NRDE2: variants seen among roughly 807,000 people sequenced by gnomAD.
NRDE2 encodes NRDE-2, necessary for RNA interference, domain containing, also known as nuclear exosome regulator NRDE2.
Under a neutral mutation model 124.2 loss-of-function variants are expected in NRDE2, and 76 were observed. That is an observed-to-expected ratio of 0.61 (90% confidence interval 0.51 to 0.74). The LOEUF (loss-of-function observed/expected upper bound fraction) is 0.74. NRDE2 is among the 30% of genes least tolerant of loss of function. The probability of loss-of-function intolerance (pLI) is 0.00; values close to 1 mark genes in which losing one functional copy is unlikely to be tolerated. For missense variants in NRDE2, 1,314 were observed against 1,417.3 expected, an observed-to-expected ratio of 0.93 and a Z score of 1.17; for synonymous variants, 489 against 528.1, an observed-to-expected ratio of 0.93 and a Z score of 1.01.
chr14:90,304,287 T>C lies in NRDE2; in HGVS notation c.653A>G (p.Lys218Arg), dbSNP rs956067632. ...CTTAGTAAAATAGCGTTCAACCTGC[T>C]TGCGTGAATGCTTCTTCTCTGTGGA... ...GTSTEKKHSR[K>R]QVERYFTKKS... is the part of the protein sequence containing the mutation. Residue 218 changes from lysine (K) to arginine (R), a missense_variant, in exon 5 of 14, where the codon AAG (lysine) becomes AGG (arginine). By Grantham distance (26) the Lys-to-Arg change is conservative (BLOSUM62 2). Coordinates refer to ENST00000354366, the MANE Select transcript of NRDE2 (RefSeq NM_017970.4). 6 of 1,614,144 alleles carry C rather than the reference T, an allele frequency of 3.7e-6. No homozygotes were observed. Among genetic ancestry groups the C allele is most frequent in the Non-Finnish European group, 5.1e-6 (6 of 1,180,000 alleles).
chr14:90,274,060 A>AG lies in NRDE2; in HGVS notation c.*4275dup, dbSNP rs1891736080. On this transcript the variant is annotated 3_prime_UTR_variant, in exon 14 of 14. Transcript: ENST00000354366. ...CAGGGCTTAGGGTGTGGCCATCTTT[A>AG]GGGGCGCCACTCTGCCTACCACAGA... 1.3e-5 allele frequency: 2 copies of AG among 154,780 alleles called. No individual in the cohort carries two copies. Among genetic ancestry groups the AG allele is most frequent in the Admixed American group, 1.3e-4 (2 of 15,290 alleles). 9.6% of individuals were successfully genotyped at this position (154,780 alleles called of 1,614,324 possible).
In NRDE2 at chr14:90,268,212, C is replaced by A; in HGVS notation, c.*10124G>T. 1 of 1,460,990 alleles carries A rather than the reference C, an allele frequency of 6.8e-7. No individual in the cohort carries two copies. The highest frequency in any genetic ancestry group is 2.5e-5 in the Admixed American group (1 of 40,368). The allele number at this position is 1,460,990 out of a possible 1,614,324, so 90.5% of individuals were successfully genotyped here. On this transcript the variant is annotated 3_prime_UTR_variant, in exon 14 of 14. Transcript: ENST00000354366. ...GTGTCTTTTTTTTTTTTATCTTTTT[C>A]ATCCAAAATAGGTAAAACCTTGTTA...
chr14:90,283,137 C>T (rs1371058601), intron 12 of NRDE2, among the ~76,000 whole-genome samples: 1 of 152,194 alleles, frequency 6.6e-6, no homozygotes, highest in African/African-American at 2.4e-5. Flanking sequence ...ACCTTGCATG[C>T]TGGCCCTAAT....
Position 90,298,283 on chromosome 14 carries a change from C to T in NRDE2, c.1643G>A (p.Gly548Asp), listed in dbSNP as rs1884255320. 4 of 1,613,648 alleles carry T rather than the reference C, an allele frequency of 2.5e-6. No individual in the cohort carries two copies. In the East Asian group the frequency reaches 6.7e-5, roughly 27 times the overall value. ...WKAWMHQQER[G>D]GWVVINPDED... ...ACCTGGGTTGATGACCACCCAGCCA[C>T]CTCGTTCCTGCTGGTGCATCCACGC... The change falls in exon 8 of 14, where the codon GGT becomes GAT. Residue 548 changes from glycine (G) to aspartate (D), a missense_variant. Transcript: ENST00000354366.
rs1282635548 is a variant in NRDE2 at position 90,269,236 on chromosome 14, G to T, written c.*9100C>A. ...AAATACATTCAGACCATGGCAAGGG[G>T]TGCTGAATTTATTTTTTCCGAGCAT... On this transcript the variant is annotated 3_prime_UTR_variant, in exon 14 of 14. Transcript: ENST00000354366. The T allele has an allele frequency of 1.6e-6, 1 of 627,786 alleles. No homozygotes were observed. Among genetic ancestry groups the T allele is most frequent in the Non-Finnish European group, 2.7e-6 (1 of 367,334 alleles). The allele number at this position is 627,786 out of a possible 1,614,324, so 38.9% of individuals were successfully genotyped here. A position where few individuals can be genotyped will look rare whatever the true frequency, so the allele number is the denominator to read the frequency against.
At chr14:90,328,318 A>G (rs923177096) in intron 1 of NRDE2, among the ~76,000 whole-genome samples, 4 of 146,104 alleles carry the variant, frequency 2.7e-5, no homozygotes, top group South Asian at 2.2e-4. Flanking sequence ...AAAAAAAAAA[A>G]AAAAAGAAAA....
chr14:90,276,987 C>T lies in NRDE2; in HGVS notation c.*1349G>A, dbSNP rs1891818889. ...TCATGACAGTTCAAGCCAGTTAGCT[C>T]TCAGGGAGGGGGAGCAAGTCCACCT... On this transcript the variant is annotated 3_prime_UTR_variant, in exon 14 of 14. Coordinates refer to ENST00000354366, the MANE Select transcript of NRDE2 (RefSeq NM_017970.4). 1 of 152,240 alleles carries T rather than the reference C, an allele frequency of 6.6e-6. No individual in the cohort carries two copies. Among genetic ancestry groups the T allele is most frequent in the Non-Finnish European group, 1.5e-5 (1 of 68,070 alleles). The allele number at this position is 152,240 out of a possible 1,614,324, so 9.4% of individuals were successfully genotyped here. A position where few individuals can be genotyped will look rare whatever the true frequency, so the allele number is the denominator to read the frequency against.
Position 90,329,408 on chromosome 14 carries a change from C to T in NRDE2, c.64+2433G>A, listed in dbSNP as rs564171257. 2.0e-5 allele frequency among the ~76,000 whole-genome samples: 3 copies of T among 152,294 alleles called. No homozygotes were observed. In the South Asian group the frequency reaches 6.2e-4, roughly 32 times the overall value. ...TACTCTCTTGAAGATCCATCCAAAA[C>T]TTAGCTCCTGGCTAGGCACAGTGGC... On this transcript the variant is annotated intron_variant, in intron 1 of 13. Transcript: ENST00000354366.
Position 90,274,087 on chromosome 14 carries a change from G to C in NRDE2, c.*4249C>G, listed in dbSNP as rs1202573422. On this transcript the variant is annotated 3_prime_UTR_variant, in exon 14 of 14. Transcript: ENST00000354366. Reference sequence around the variant, plus strand: ...GGGCGCCACTCTGCCTACCACAGAGGACATCCACACGTGGGGGTGGCCCAG... The same window carrying C: ...GGGCGCCACTCTGCCTACCACAGAGCACATCCACACGTGGGGGTGGCCCAG... 1 of 154,860 alleles carries C rather than the reference G, an allele frequency of 6.5e-6. No homozygotes were observed. The highest frequency in any genetic ancestry group is 2.4e-5 in the African/African-American group (1 of 41,386). 9.6% of individuals were successfully genotyped at this position (154,860 alleles called of 1,614,324 possible).
chr14:90,331,776 C>A, intron 1 of NRDE2, 65 bp downstream of exon 1: 2 of 1,534,140 alleles, frequency 1.3e-6, no homozygotes, highest in Admixed American at 3.3e-5. Context: ...AAAGTCTAGA[C>A]CTGGGCCCGA....
At chr14:90,293,891 T>C (rs1406080636) in intron 8 of NRDE2, among the ~76,000 whole-genome samples, 1 of 152,252 alleles carries the variant, frequency 6.6e-6, no homozygotes, top group Non-Finnish European at 1.5e-5. Context: ...GAAATCATTT[T>C]GGCAGTTTCT....
chr14:90,328,142 C>A (rs1227268272), intron 1 of NRDE2, among the ~76,000 whole-genome samples: 12 of 137,092 alleles, frequency 8.8e-5, no homozygotes, highest in Non-Finnish European at 1.2e-4. Context: ...TATTCTGTCT[C>A]AAAAAAAAAA....
At chr14:90,308,857 T>A (rs1440373561) in intron 4 of NRDE2, among the ~76,000 whole-genome samples, 1 of 151,954 alleles carries the variant, frequency 6.6e-6, no homozygotes. Context: ...GGAACAAAAA[T>A]GTCAACCGCA....
At chr14:90,330,379 T>C (rs1595082509) in intron 1 of NRDE2, among the ~76,000 whole-genome samples, 1 of 152,088 alleles carries the variant, frequency 6.6e-6, no homozygotes, top group East Asian at 1.9e-4. Flanking sequence ...CCAGAAAATA[T>C]TTATTGAACA....
rs1321483811 is a variant in NRDE2, at chr14:90,273,680, C to G, written c.*4656G>C. 6.5e-6 allele frequency: 1 copy of G among 153,480 alleles called. No individual in the cohort carries two copies. The highest frequency in any genetic ancestry group is 2.4e-5 in the African/African-American group (1 of 41,512). 9.5% of individuals were successfully genotyped at this position (153,480 alleles called of 1,614,324 possible). Reference sequence around the variant, plus strand: ...GGCAGGACCGTTCCCTCTGGCGTCTCTAAGGGAGAATCCGTTTCCTTGCTG... The same window carrying G: ...GGCAGGACCGTTCCCTCTGGCGTCTGTAAGGGAGAATCCGTTTCCTTGCTG... On this transcript the variant is annotated 3_prime_UTR_variant, in exon 14 of 14. Transcript: ENST00000354366.
chr14:90,311,964 A>G (rs1884856901), intron 4 of NRDE2, among the ~76,000 whole-genome samples: 2 of 152,224 alleles, frequency 1.3e-5, no homozygotes, highest in African/African-American at 4.8e-5. Context: ...TATGCCAGAA[A>G]CATTTTGAAA....
At chr14:90,314,708 C>T (rs998617836) in intron 3 of NRDE2, among the ~76,000 whole-genome samples, 1 of 152,184 alleles carries the variant, frequency 6.6e-6, no homozygotes, top group African/African-American at 2.4e-5. Context: ...ATAACATATT[C>T]ATTCATTCAT....
chr14:90,319,084 T>C (rs1330527848), intron 1 of NRDE2, among the ~76,000 whole-genome samples: 2 of 152,232 alleles, frequency 1.3e-5, no homozygotes, highest in Admixed American at 6.5e-5. Context: ...CCCTAATTTC[T>C]TACTTTTCTA....
Position 90,303,066 on chromosome 14 carries a change from T to C in NRDE2, c.1065A>G (p.Arg355=), listed in dbSNP as rs143093685. Residue 355 remains arginine, a synonymous_variant, in exon 6 of 14, where the codon CGA becomes CGG. Coordinates refer to ENST00000354366, the MANE Select transcript of NRDE2 (RefSeq NM_017970.4). ...CCAGAATGAGCTTCAGGGACCTCTT[T>C]CGCTTTTCCTGCTCTCCTTCCTCGA... is the stretch of plus-strand genomic sequence containing the variant. ...YAIEEGEQEK[R]KRSLKLILEK... is the part of the protein sequence containing the mutation. 7.1e-5 allele frequency: 115 copies of C among 1,613,864 alleles called. No homozygotes were observed. The highest frequency in any genetic ancestry group is 9.2e-5 in the Non-Finnish European group (109 of 1,180,030).
Sources: gnomAD v4.1 joint callset for allele counts (sites outside exome capture counted in the v4.1 genomes callset) on GRCh38, gnomAD v4.1.1 for gene constraint, MANE v1.5 for transcripts, NCBI Gene and HGNC (gene_info 2026-07-23, HGNC 2026-07-21) for gene names.